The following CCDC60 variants were observed in gnomAD, a reference collection of about 807,000 sequenced individuals.
The protein encoded by CCDC60 is coiled-coil domain containing 60.
Under a neutral mutation model 63.5 loss-of-function variants are expected in CCDC60, and 54 were observed. The ratio of observed to expected loss-of-function variants is 0.85; its 90% CI spans 0.68 to 1.07. The LOEUF is 1.07. Ranked by LOEUF, CCDC60 falls within the 50% of genes least tolerant of loss-of-function variation. The pLI is 0.00. For missense variants in CCDC60, 651 were observed against 684.3 expected, an observed-to-expected ratio of 0.95 and a Z score of 0.54; for synonymous variants, 206 against 238.8, an observed-to-expected ratio of 0.86 and a Z score of 1.27.
At chr12:119,352,743 C>T (rs539768554) in intron 1 of CCDC60, among the ~76,000 whole-genome samples, 23 of 152,166 alleles carry the variant, frequency 1.5e-4, no homozygotes, top group African/African-American at 5.3e-4. Flanking sequence ...TCGAGACCAG[C>T]CTGGCCAACA....
chr12:119,435,990 G>C (rs1441767594), intron 2 of CCDC60, among the ~76,000 whole-genome samples: 1 of 152,208 alleles, frequency 6.6e-6, no homozygotes, highest in African/African-American at 2.4e-5. Flanking sequence ...AAATAGGTCA[G>C]CTAGGACTTG....
At chr12:119,477,307 G>A (rs571862827) in intron 3 of CCDC60, among the ~76,000 whole-genome samples, 3 of 152,328 alleles carry the variant, frequency 2.0e-5, no homozygotes, top group South Asian at 4.1e-4. Flanking sequence ...CCTACCTCTC[G>A]ATTGGAGAAG....
At chr12:119,489,053 C>T (rs1407102424) in intron 5 of CCDC60, among the ~76,000 whole-genome samples, 187 bp downstream of exon 5, 5 of 152,156 alleles carry the variant, frequency 3.3e-5, no homozygotes, top group African/African-American at 4.8e-5. Flanking sequence ...TCGTGGGAGC[C>T]GGTTGTGTGC....
At chr12:119,384,040 C>T (rs1244385525) in intron 1 of CCDC60, among the ~76,000 whole-genome samples, 1 of 151,782 alleles carries the variant, frequency 6.6e-6, no homozygotes, top group Non-Finnish European at 1.5e-5. Flanking sequence ...ATTAAAAATA[C>T]AAAAAATTAG....
chr12:119,380,954 A>AC lies in CCDC60; in HGVS notation c.90+45689dup, dbSNP rs1956002270. On this transcript the variant is annotated intron_variant, in intron 1 of 13. Coordinates refer to ENST00000327554, the MANE Select transcript of CCDC60 (RefSeq NM_178499.5). ...GTTTCTAAAATGAGCTCAATTAGAG[A>AC]CAAATATTAAGTAAATTATAATAAA... 1.3e-5 allele frequency among the ~76,000 whole-genome samples: 2 copies of AC among 152,216 alleles called. 1 individual carries two copies. Among genetic ancestry groups the AC allele is most frequent in the African/African-American group, 4.8e-5 (2 of 41,460 alleles).
intron 7 of CCDC60, among the ~76,000 whole-genome samples, chr12:119,515,487 A>T (rs981439885): frequency 1.3e-5 from 2 of 151,926 alleles, no homozygotes; most frequent in African/African-American, 4.8e-5. Flanking sequence ...TGCCTAGCTA[A>T]TCTTTTTATA....
chr12:119,534,564 GCT>G (rs1952947113), intron 13 of CCDC60, among the ~76,000 whole-genome samples: 1 of 152,090 alleles, frequency 6.6e-6, no homozygotes, highest in Non-Finnish European at 1.5e-5. Context: ...GTCATAAATA[GCT>G]CTCATTATTT....
chr12:119,427,694 AC>A (rs1237777093), intron 1 of CCDC60, among the ~76,000 whole-genome samples: 1 of 152,168 alleles, frequency 6.6e-6, no homozygotes, highest in Non-Finnish European at 1.5e-5. Context: ...ATCTGAGAGC[AC>A]CCATTTTCCC....
chr12:119,373,244 T>A (rs1955916065), intron 1 of CCDC60, among the ~76,000 whole-genome samples: 1 of 152,306 alleles, frequency 6.6e-6, no homozygotes, highest in Admixed American at 6.5e-5. Flanking sequence ...CTTACAGTCA[T>A]AAAATGCCTA....
At position 119,364,041 on chromosome 12, in the gene CCDC60, T is replaced by G. The variant is rs140052728; in HGVS notation, c.90+28775T>G. On this transcript the variant is annotated intron_variant, in intron 1 of 13. Coordinates refer to ENST00000327554, the MANE Select transcript of CCDC60 (RefSeq NM_178499.5). Reference sequence around the variant, plus strand: ...CTTCGAAAATACGATCCTTGTAATCTTGCTGTTGCAATGAAAACAATAGGC... The same window carrying G: ...CTTCGAAAATACGATCCTTGTAATCGTGCTGTTGCAATGAAAACAATAGGC... Among the ~76,000 whole-genome samples, 1,182 of 152,334 alleles carry G rather than the reference T, an allele frequency of 7.8e-3. 21 individuals carry two copies. The highest frequency in any genetic ancestry group is 0.027 in the African/African-American group (1,137 of 41,580).
chr12:119,359,850 G>A (rs1399792700), intron 1 of CCDC60, among the ~76,000 whole-genome samples: 1 of 151,830 alleles, frequency 6.6e-6, no homozygotes, highest in Non-Finnish European at 1.5e-5. Context: ...AGGGTTGGGG[G>A]TAAGGTCACA....
At chr12:119,351,130 T>C (rs535077500) in intron 1 of CCDC60, among the ~76,000 whole-genome samples, 2 of 152,222 alleles carry the variant, frequency 1.3e-5, no homozygotes, top group African/African-American at 4.8e-5. Context: ...AGGTGAAGGA[T>C]AAAGCATCCT....
At chr12:119,374,041 T>C (rs1341784173) in intron 1 of CCDC60, among the ~76,000 whole-genome samples, 2 of 151,754 alleles carry the variant, frequency 1.3e-5, no homozygotes, top group African/African-American at 4.8e-5. Flanking sequence ...AGGGGCTGAG[T>C]AGTAGGAAGC....
intron 12 of CCDC60, among the ~76,000 whole-genome samples, chr12:119,529,288 C>A (rs1952772961): frequency 6.6e-6 from 1 of 152,192 alleles, no homozygotes; most frequent in Non-Finnish European, 1.5e-5. Context: ...TTATCCCCCC[C>A]AACAAAATAA....
Position 119,503,384 on chromosome 12 carries a change from C to G in CCDC60, c.649-1685C>G, listed in dbSNP as rs142829247. On this transcript the variant is annotated intron_variant, in intron 6 of 13. Transcript: ENST00000327554. ...TTGACCAGTTGCAGTGTCAGGACAA[C>G]AGGATCATTGTACCAAGCTCCTAAT... is the stretch of plus-strand genomic sequence containing the variant. Among the ~76,000 whole-genome samples the G allele has an allele frequency of 9.8e-5, 15 of 152,302 alleles. No individual in the cohort carries two copies. The East Asian group carries it at 2.5e-3, about 25-fold the overall frequency.
At chr12:119,366,593 G>A (rs1955842677) in intron 1 of CCDC60, among the ~76,000 whole-genome samples, 1 of 152,164 alleles carries the variant, frequency 6.6e-6, no homozygotes, top group Admixed American at 6.5e-5. Flanking sequence ...CCCTGGGTGG[G>A]GGTGTGGGGC....
chr12:119,532,484 A>G (rs1260333627), intron 13 of CCDC60, among the ~76,000 whole-genome samples: 2 of 151,278 alleles, frequency 1.3e-5, no homozygotes, highest in Non-Finnish European at 2.9e-5. Flanking sequence ...GGTTTGTTAC[A>G]TAGGTATACA....
At chr12:119,442,739 C>T (rs1174388034) in intron 2 of CCDC60, among the ~76,000 whole-genome samples, 1 of 152,198 alleles carries the variant, frequency 6.6e-6, no homozygotes, top group Non-Finnish European at 1.5e-5. Context: ...AAGAATGTAG[C>T]ATTATTTACC....
At chr12:119,496,105 G>A (rs1951709493) in intron 5 of CCDC60, among the ~76,000 whole-genome samples, 1 of 152,146 alleles carries the variant, frequency 6.6e-6, no homozygotes. Context: ...CAGGAGGTAG[G>A]ATGGAACCAC....
Sources: allele counts gnomAD v4.1 joint callset (sites outside exome capture counted in the v4.1 genomes callset), GRCh38; gene constraint gnomAD v4.1.1; transcripts MANE v1.5; gene names NCBI Gene and HGNC (gene_info 2026-07-23, HGNC 2026-07-21).